LRP6: variants seen among roughly 807,000 people sequenced by gnomAD.
LRP6 encodes the protein low-density lipoprotein receptor-related protein 6.
LRP6 carries 43 observed loss-of-function variants against 184.1 expected under a neutral mutation model. The observed-to-expected ratio is 0.23, with a 90% CI of 0.18 to 0.30. LRP6 has a LOEUF of 0.30. Among genes scored for constraint, LRP6 ranks in the 10% least tolerant of loss-of-function variants. LRP6 has a pLI of 1.00. For missense variants in LRP6, 1,571 were observed against 2,005.3 expected (o/e 0.78, Z 4.14); for synonymous variants, 719 against 684.9 (o/e 1.05, Z -0.78).
chr12:12,225,796 C>T (rs1275401717), intron 2 of LRP6, among the ~76,000 whole-genome samples: 2 of 150,200 alleles, frequency 1.3e-5, no homozygotes, highest in Admixed American at 6.7e-5. Context: ...CGCTTGAACC[C>T]GGGAGGCAGA....
At chr12:12,162,937 T>G (rs1446631876) in intron 9 of LRP6, among the ~76,000 whole-genome samples, 7 of 152,144 alleles carry the variant, frequency 4.6e-5, no homozygotes, top group Non-Finnish European at 1.5e-5. Context: ...GTCCGTAGAT[T>G]TTGTCACTTA....
At chr12:12,171,533 AAATAAAT>A (rs1863044456) in intron 7 of LRP6, among the ~76,000 whole-genome samples, 4 of 3,122 alleles carry the variant, frequency 1.3e-3, no homozygotes, top group East Asian at 0.026. Flanking sequence ...AAAAAAAATA[AAATAAAT>A]AAATAAATAA....
At chr12:12,259,861 T>G (rs10743980) in intron 1 of LRP6, among the ~76,000 whole-genome samples, 2 of 151,920 alleles carry the variant, frequency 1.3e-5, no homozygotes, top group Admixed American at 6.6e-5. Context: ...AGTGAAAACA[T>G]GCAATGCAGA....
At chr12:12,220,765 A>G (rs767825893) in intron 2 of LRP6, among the ~76,000 whole-genome samples, 1 of 151,672 alleles carries the variant, frequency 6.6e-6, no homozygotes, top group Non-Finnish European at 1.5e-5. Flanking sequence ...CACCCGGTTA[A>G]TTTTTTCTAT....
intron 1 of LRP6, among the ~76,000 whole-genome samples, chr12:12,254,439 C>T (rs1362124982): frequency 6.6e-6 from 1 of 152,114 alleles, no homozygotes; most frequent in Admixed American, 6.5e-5. Flanking sequence ...ATAAGGAACC[C>T]CTTTCTCTTT....
chr12:12,126,729 T>C lies in LRP6; in HGVS notation c.4274A>G (p.Tyr1425Cys), dbSNP rs1215077669. 3.1e-6 allele frequency: 5 copies of C among 1,614,112 alleles called. No homozygotes were observed. Among genetic ancestry groups the C allele is most frequent in the Admixed American group, 1.7e-5 (1 of 60,026 alleles). The change falls in exon 20 of 23, where the codon TAT (tyrosine) becomes TGT (cysteine). Residue 1425 changes from tyrosine to cysteine, a missense_variant. Coordinates refer to ENST00000261349, the MANE Select transcript of LRP6 (RefSeq NM_002336.3). ...VHGPASVPLG[Y>C]VPHPSSLSGS... ...TGACAAAGAACTTGGGTGTGGCACA[T>C]AACCAAGAGGCACAGAAGCTGGTCC...
intron 15 of LRP6, among the ~76,000 whole-genome samples, chr12:12,146,347 T>C (rs573624982): frequency 6.4e-4 from 97 of 152,346 alleles, no homozygotes; most frequent in Non-Finnish European, 1.1e-3. Flanking sequence ...TTTTCTACCA[T>C]ACTGGCCAAT....
chr12:12,200,632 T>C (rs1306616592), intron 3 of LRP6, among the ~76,000 whole-genome samples: 1 of 152,228 alleles, frequency 6.6e-6, no homozygotes, highest in Non-Finnish European at 1.5e-5. Flanking sequence ...TTTCTGCAAA[T>C]TGGTGTCCAC....
intron 3 of LRP6, among the ~76,000 whole-genome samples, chr12:12,202,681 T>G (rs1255178366): frequency 1.3e-5 from 2 of 152,244 alleles, no homozygotes; most frequent in Non-Finnish European, 2.9e-5. Context: ...ATTTACTATC[T>G]GAGCCTTTAC....
intron 2 of LRP6, among the ~76,000 whole-genome samples, chr12:12,243,808 T>C (rs887109540): frequency 3.3e-5 from 5 of 152,186 alleles, no homozygotes; most frequent in Admixed American, 2.6e-4. Context: ...TGGAGTGCAG[T>C]GGTGCGATCT....
In LRP6 at chr12:12,245,756, G is replaced by A. The variant is rs180711372; in HGVS notation, c.56-1101C>T. Among the ~76,000 whole-genome samples the A allele has an allele frequency of 1.7e-4, 26 of 152,174 alleles. No homozygotes were observed. In the East Asian group the frequency reaches 5.0e-3, roughly 29 times the overall value. On this transcript the variant is annotated intron_variant, in intron 1 of 22. Coordinates refer to ENST00000261349, the MANE Select transcript of LRP6 (RefSeq NM_002336.3). ...GAAAGTTGAAGCTGTTGGGAGTGAG[G>A]TAGTATAAATTCCATGTTTTTTGGT...
At chr12:12,162,117 A>G (rs1461435652) in intron 10 of LRP6, 76 bp downstream of exon 10, 5 of 1,108,050 alleles carry the variant, frequency 4.5e-6, no homozygotes, top group Non-Finnish European at 6.9e-6. Context: ...AACATTAAGA[A>G]TATCATCTGT....
At chr12:12,263,749 A>C (rs1026158463) in intron 1 of LRP6, among the ~76,000 whole-genome samples, 1 of 151,512 alleles carries the variant, frequency 6.6e-6, no homozygotes, top group Admixed American at 6.6e-5. Flanking sequence ...TGGGAAGATC[A>C]CATGAACACA....
In LRP6 at chr12:12,138,521, T is replaced by C. The variant is rs1949878517; in HGVS notation, c.3411A>G (p.Ile1137Met). The C allele has an allele frequency of 1.9e-6, 3 of 1,613,440 alleles. No homozygotes were observed. Among genetic ancestry groups the C allele is most frequent in the African/African-American group, 1.3e-5 (1 of 75,024 alleles). The part of the protein sequence containing the change: ...ESSDLSGANR[I>M]VLEDSNILQP... ...GCAAGATATTGGAGTCTTCTAATAC[T>C]ATCCGGTTAGCACCTTGGAAAAGGA... is the stretch of plus-strand genomic sequence containing the variant. The change falls in exon 16 of 23, where the codon ATA becomes ATG. Residue 1137 changes from isoleucine (I) to methionine (M), a missense_variant. By Grantham distance (10) the Ile-to-Met change is conservative. Transcript: ENST00000261349.
At chr12:12,187,695 C>T (rs1297293317) in intron 3 of LRP6, among the ~76,000 whole-genome samples, 7 of 152,148 alleles carry the variant, frequency 4.6e-5, no homozygotes, top group South Asian at 2.1e-4. Context: ...AGCACTCTCC[C>T]CGCAAACCCC....
intron 7 of LRP6, among the ~76,000 whole-genome samples, chr12:12,169,242 T>C (rs1380805675): frequency 6.6e-6 from 1 of 150,678 alleles, no homozygotes; most frequent in Non-Finnish European, 1.5e-5. Flanking sequence ...ATGATAATAA[T>C]AATAATAATA....
intron 1 of LRP6, among the ~76,000 whole-genome samples, chr12:12,250,474 T>G (rs968589003): frequency 6.7e-6 from 1 of 149,382 alleles, no homozygotes; most frequent in Non-Finnish European, 1.5e-5. Context: ...AGTACTTACA[T>G]GATATTAGCT....
chr12:12,265,311 TG>T lies in LRP6; in HGVS notation c.55+1369del, dbSNP rs575512554. On this transcript the variant is annotated intron_variant, in intron 1 of 22. Transcript: ENST00000261349. Reference sequence around the variant, plus strand: ...ACACTACCTTTCCGGGGTTTACATGTGGGAAAACTTTGTAATATGCTTAGAG... The same window carrying T: ...ACACTACCTTTCCGGGGTTTACATGTGGAAAACTTTGTAATATGCTTAGAG... 3.9e-4 allele frequency among the ~76,000 whole-genome samples: 60 copies of T among 152,316 alleles called. 2 individuals are homozygous for T. In the South Asian group the frequency reaches 0.011, roughly 29 times the overall value.
intron 12 of LRP6, chr12:12,155,436 G>A (rs1950138940): frequency 2.1e-6 from 2 of 946,088 alleles, no homozygotes; most frequent in Non-Finnish European, 3.4e-6. Context: ...TGTTACCACT[G>A]CAAAACTGGA....
Sources: allele counts gnomAD v4.1 joint callset (sites outside exome capture counted in the v4.1 genomes callset), GRCh38; gene constraint gnomAD v4.1.1; transcripts MANE v1.5; gene names NCBI Gene and HGNC (gene_info 2026-07-23, HGNC 2026-07-21).